The following DGKD variants were observed in gnomAD, a reference collection of about 807,000 sequenced individuals.
The protein encoded by DGKD is diacylglycerol kinase delta.
DGKD carries 68 observed loss-of-function variants against 154.4 expected under a neutral mutation model. That is an observed-to-expected ratio of 0.44 (90% CI 0.36 to 0.54). DGKD has a LOEUF of 0.54. DGKD is among the 20% of genes least tolerant of loss of function. DGKD has a pLI of 0.00. For missense variants in DGKD, 1,343 were observed against 1,593.6 expected, an observed-to-expected ratio of 0.84 and a Z score of 2.68; for synonymous variants, 693 against 638.0, an observed-to-expected ratio of 1.09 and a Z score of -1.30.
At chr2:233,391,416 C>G (rs550095441) in intron 3 of DGKD, among the ~76,000 whole-genome samples, 6 of 151,862 alleles carry the variant, frequency 4.0e-5, no homozygotes, top group Non-Finnish European at 8.8e-5. Flanking sequence ...TTTTTTCCCC[C>G]CCCAGGACAA....
intron 3 of DGKD, among the ~76,000 whole-genome samples, chr2:233,399,927 T>A (rs1195197213): frequency 1.3e-5 from 2 of 152,122 alleles, no homozygotes. Context: ...TACTTTTATT[T>A]GTTTTGGGTG....
intron 3 of DGKD, among the ~76,000 whole-genome samples, chr2:233,396,081 A>G (rs1704007088): frequency 6.6e-6 from 1 of 152,240 alleles, no homozygotes; most frequent in African/African-American, 2.4e-5. Context: ...ATATTTTATT[A>G]GTGAGCTCCG....
At chr2:233,436,923 C>G (rs1263847161) in intron 7 of DGKD, among the ~76,000 whole-genome samples, 2 of 152,216 alleles carry the variant, frequency 1.3e-5, no homozygotes, top group African/African-American at 4.8e-5. Context: ...CAGGGAGAGA[C>G]TCAGGGAGCC....
At chr2:233,454,733 T>C (rs2063400588) in intron 18 of DGKD, 30 bp from the exon 19 acceptor site, 1 of 1,350,298 alleles carries the variant, frequency 7.4e-7, no homozygotes, top group African/African-American at 1.4e-5. Context: ...AGCAGGGCTG[T>C]TGTAATTGAT....
Position 233,468,963 on chromosome 2 carries a change from C to T in DGKD, c.3556-408C>T, listed in dbSNP as rs575154409. ...AGGCCTCGGTCTATGCCAGGCCTCA[C>T]GCCACATCTTGCAGGCCCATGCCCC... On this transcript the variant is annotated intron_variant, in intron 29 of 29. Coordinates refer to ENST00000264057, the MANE Select transcript of DGKD (RefSeq NM_152879.3). Among the ~76,000 whole-genome samples, 300 of 152,342 alleles carry T rather than the reference C, an allele frequency of 2.0e-3. 1 individual carries two copies. Among genetic ancestry groups the T allele is most frequent in the African/African-American group, 5.8e-3 (243 of 41,586 alleles).
intron 5 of DGKD, among the ~76,000 whole-genome samples, chr2:233,435,446 CAT>C (rs1489650123): frequency 1.1e-4 from 16 of 152,168 alleles, no homozygotes; most frequent in African/African-American, 3.4e-4. Flanking sequence ...AAAGAAGAAT[CAT>C]ATTTTGTGAC....
chr2:233,356,079 C>T (rs1001223974), intron 1 of DGKD, among the ~76,000 whole-genome samples: 6 of 152,166 alleles, frequency 3.9e-5, no homozygotes, highest in African/African-American at 1.4e-4. Context: ...GTAAGTGCCG[C>T]GGAAACTCGG....
intron 3 of DGKD, among the ~76,000 whole-genome samples, chr2:233,403,147 C>T (rs888137316): frequency 3.3e-5 from 5 of 152,156 alleles, no homozygotes; most frequent in Non-Finnish European, 7.4e-5. Context: ...AGTGTCTGTT[C>T]ATGTGACACA....
At chr2:233,402,475 CTA>C (rs751853892) in intron 3 of DGKD, among the ~76,000 whole-genome samples, 6 of 152,146 alleles carry the variant, frequency 3.9e-5, no homozygotes, top group Admixed American at 6.5e-5. Flanking sequence ...TTTGGGGTGA[CTA>C]TGTGTATGAA....
chr2:233,354,940 C>CG lies in DGKD; in HGVS notation c.156+272dup, dbSNP rs1032378760. On this transcript the variant is annotated intron_variant, in intron 1 of 29. Transcript: ENST00000264057. This position sits in a 1 kb window ranked among gnomAD's most constrained non-coding sequence, Gnocchi z 4.8. ...GGCGCCCCGGGCGCCGCGCGCTGGG[C>CG]GGGGGGCGCGCGCCGAGTTGGGCCG... 6.8e-6 allele frequency among the ~76,000 whole-genome samples: 1 copy of CG among 147,630 alleles called. No individual in the cohort carries two copies. The highest frequency in any genetic ancestry group is 2.0e-4 in the East Asian group (1 of 5,040).
At chr2:233,375,760 C>T (rs1007038301) in intron 1 of DGKD, among the ~76,000 whole-genome samples, 7 of 152,098 alleles carry the variant, frequency 4.6e-5, no homozygotes, top group African/African-American at 9.7e-5. Context: ...CAAGCAGACA[C>T]GGAAGTAGAG....
At chr2:233,391,177 G>T (rs971684272) in intron 3 of DGKD, among the ~76,000 whole-genome samples, 1 of 151,930 alleles carries the variant, frequency 6.6e-6, no homozygotes, top group Non-Finnish European at 1.5e-5. Flanking sequence ...ATATTTTGGT[G>T]TATTTCTTTT....
chr2:233,461,145 C>T (rs58685260), intron 24 of DGKD, among the ~76,000 whole-genome samples: 11,771 of 152,302 alleles, frequency 0.077, 694 homozygotes, highest in African/African-American at 0.17. Context: ...GCTCCTCGCC[C>T]GCCAGGTGCG....
rs200836252 is a variant in DGKD, at chr2:233,459,764, C to T, written c.2702C>T (p.Thr901Met). 6.3e-5 allele frequency: 101 copies of T among 1,613,738 alleles called. No homozygotes were observed. The East Asian group carries it at 1.2e-3, about 20-fold the overall frequency. ...LQHHRIAQCRTVKISILGDEG... is the reference protein window; with the variant it reads ...LQHHRIAQCRMVKISILGDEG... The stretch of plus-strand genomic sequence containing the variant: ...GCTATGATGTCTGCTCAGTGTCGCA[C>T]GGTGAAGATCTCCATCCTTGGGGAT... Residue 901 changes from threonine to methionine, a missense_variant, in exon 23 of 30, where the codon ACG (threonine) becomes ATG (methionine). Coordinates refer to ENST00000264057, the MANE Select transcript of DGKD (RefSeq NM_152879.3). This position sits in a 1 kb window ranked among gnomAD's most constrained non-coding sequence, Gnocchi z 5.7.
intron 3 of DGKD, among the ~76,000 whole-genome samples, chr2:233,392,843 G>A (rs150606772): frequency 1.1e-4 from 17 of 152,246 alleles, no homozygotes; most frequent in African/African-American, 3.1e-4. Context: ...AGTTAGTAGC[G>A]TGTACTGTTG....
In DGKD at chr2:233,445,826, G is replaced by A; in HGVS notation, c.1334+64G>A. The A allele has an allele frequency of 6.6e-7, 1 of 1,507,064 alleles. No individual in the cohort carries two copies. Among genetic ancestry groups the A allele is most frequent in the Non-Finnish European group, 8.9e-7 (1 of 1,124,456 alleles). 93.4% of individuals were successfully genotyped at this position (1,507,064 alleles called of 1,614,324 possible). A position where few individuals can be genotyped will look rare whatever the true frequency, so the allele number is the denominator to read the frequency against. On this transcript the variant is annotated intron_variant, in intron 11 of 29. Coordinates refer to ENST00000264057, the MANE Select transcript of DGKD (RefSeq NM_152879.3). The surrounding 1 kb of genome is among the most constrained non-coding windows in gnomAD (Gnocchi z 5.5). The stretch of plus-strand genomic sequence containing the variant: ...TTGAGAGACAGGTCCCTTTGACCAG[G>A]TGTTCTTAACCTGGGGTCTGTGGAA...
chr2:233,409,444 C>T (rs1012253582), intron 3 of DGKD, among the ~76,000 whole-genome samples: 1 of 150,826 alleles, frequency 6.6e-6, no homozygotes, highest in South Asian at 2.1e-4. Flanking sequence ...ACTTTTTAGC[C>T]ATCTTTACTC....
intron 19 of DGKD, 52 bp from the exon 20 acceptor site, chr2:233,456,847 A>T: frequency 7.2e-7 from 1 of 1,386,204 alleles, no homozygotes; most frequent in Non-Finnish European, 1.0e-6. Flanking sequence ...GACTCTGGTT[A>T]ACTATACGAA....
chr2:233,452,353 G>A lies in DGKD; in HGVS notation c.2264+293G>A, dbSNP rs1362709913. Among the ~76,000 whole-genome samples, 1 of 152,162 alleles carries A rather than the reference G, an allele frequency of 6.6e-6. No homozygotes were observed. The highest frequency in any genetic ancestry group is 1.5e-5 in the Non-Finnish European group (1 of 68,040). ...CCTTCTGAGGCTTTTCACAGGCTCA[G>A]CTACTCCTGCCAGGAGCTGCCCTTG... On this transcript the variant is annotated intron_variant, in intron 18 of 29. Coordinates refer to ENST00000264057, the MANE Select transcript of DGKD (RefSeq NM_152879.3). The surrounding 1 kb of genome is among the most constrained non-coding windows in gnomAD (Gnocchi z 4.0).
Sources: gnomAD v4.1 joint callset for allele counts (sites outside exome capture counted in the v4.1 genomes callset) on GRCh38, gnomAD v4.1.1 for gene constraint, Gnocchi (gnomAD v3.1) non-coding constraint, MANE v1.5 for transcripts, NCBI Gene and HGNC (gene_info 2026-07-23, HGNC 2026-07-21) for gene names.